The following CDH10 variants were observed in gnomAD, a reference collection of about 807,000 sequenced individuals.
The protein encoded by CDH10 is cadherin-10.
Under a neutral mutation model 73.1 loss-of-function variants are expected in CDH10, and 30 were observed. The ratio of observed to expected loss-of-function variants is 0.41; its 90% CI spans 0.31 to 0.56. The LOEUF (loss-of-function observed/expected upper bound fraction) is 0.56. Ranked by LOEUF, CDH10 falls within the 20% of genes least tolerant of loss-of-function variation. CDH10 has a pLI of 0.27. For synonymous variants in CDH10, 345 were observed against 348.2 expected, an observed-to-expected ratio of 0.99 and a Z score of 0.10; for missense variants, 815 against 973.7, an observed-to-expected ratio of 0.84 and a Z score of 2.17.
chr5:24,592,323 T>G (rs1746226912), intron 2 of CDH10, among the ~76,000 whole-genome samples: 1 of 151,878 alleles, frequency 6.6e-6, no homozygotes, highest in South Asian at 2.1e-4. Flanking sequence ...GTCAAGGCAG[T>G]GATGTATGCA....
chr5:24,527,289 TTA>T (rs1561141848), intron 5 of CDH10, among the ~76,000 whole-genome samples: 1 of 147,690 alleles, frequency 6.8e-6, no homozygotes, highest in Admixed American at 6.8e-5. Flanking sequence ...AAATATAGTC[TTA>T]TATATATTTA....
chr5:24,602,580 C>T, intron 1 of CDH10, among the ~76,000 whole-genome samples: 1 of 152,114 alleles, frequency 6.6e-6, no homozygotes, highest in East Asian at 1.9e-4. Flanking sequence ...CCCAATTAGA[C>T]ATTCTGCAAC....
intron 2 of CDH10, among the ~76,000 whole-genome samples, chr5:24,559,671 A>G (rs770843269): frequency 3.9e-5 from 6 of 152,052 alleles, no homozygotes; most frequent in Non-Finnish European, 7.4e-5. Context: ...TGATAATGAA[A>G]CAGGTGACAA....
At chr5:24,572,907 A>C (rs1206201511) in intron 2 of CDH10, among the ~76,000 whole-genome samples, 1 of 144,538 alleles carries the variant, frequency 6.9e-6, no homozygotes, top group Non-Finnish European at 1.5e-5. Flanking sequence ...GGACCTGGTC[A>C]GAATCTGTAT....
chr5:24,506,019 C>T (rs1483983182), intron 7 of CDH10, among the ~76,000 whole-genome samples: 1 of 150,528 alleles, frequency 6.6e-6, no homozygotes, highest in Admixed American at 6.7e-5. Flanking sequence ...AAGGATGAAG[C>T]AGGAGAATTG....
chr5:24,491,776 AT>A lies in CDH10; in HGVS notation c.1675del (p.Ile559SerfsTer9). 6.2e-7 allele frequency: 1 copy of A among 1,607,634 alleles called. No individual in the cohort carries two copies. The highest frequency in any genetic ancestry group is 8.5e-7 in the Non-Finnish European group (1 of 1,174,262). Reference sequence around the variant, plus strand: ...CACCACAGGCAAGAGATAGGTACTGATTTCATGTCTATTGAATCCATTTTTT... The same window carrying A: ...CACCACAGGCAAGAGATAGGTACTGATTCATGTCTATTGAATCCATTTTTT... ...TRKNGFNRHE[I>X]STYLLPVVIS... On this transcript the variant is annotated frameshift_variant, in exon 11 of 12. Coordinates refer to ENST00000264463, the MANE Select transcript of CDH10 (RefSeq NM_006727.5). LOFTEE classifies it high-confidence loss of function.
intron 5 of CDH10, among the ~76,000 whole-genome samples, chr5:24,531,254 A>T (rs1253353614): frequency 6.6e-6 from 1 of 151,974 alleles, no homozygotes; most frequent in Non-Finnish European, 1.5e-5. Context: ...CTCACATGTT[A>T]TTCTTTTTAT....
rs374858787 is a variant in CDH10 at position 24,543,131 on chromosome 5, G to A, written c.232-5457C>T. ...ATATTTTACTTTTATTTTCACCATT[G>A]GCTAGAAGAAAAATAAAGAAAAAAA... On this transcript the variant is annotated intron_variant, in intron 2 of 11. Coordinates refer to ENST00000264463, the MANE Select transcript of CDH10 (RefSeq NM_006727.5). Among the ~76,000 whole-genome samples the A allele has an allele frequency of 1.5e-4, 23 of 151,912 alleles. No individual in the cohort carries two copies. In the East Asian group the frequency reaches 3.1e-3, roughly 20 times the overall value.
chr5:24,540,101 T>C (rs1744095582), intron 2 of CDH10, among the ~76,000 whole-genome samples: 1 of 152,012 alleles, frequency 6.6e-6, no homozygotes, highest in African/African-American at 2.4e-5. Context: ...TCAGTTTCTG[T>C]GGAAGATCCA....
rs752659067 is a variant in CDH10 at position 24,505,276 on chromosome 5, A to G, written c.1257-28T>C. The G allele has an allele frequency of 1.1e-5, 18 of 1,599,848 alleles. No individual in the cohort carries two copies. In the Admixed American group the frequency reaches 2.3e-4, roughly 21 times the overall value. ...GAACATGGAGGGCAAGAAAAAATAC[A>G]TGGCAGCATTATTAATAGTTTGCAG... On this transcript the variant is annotated intron_variant, in intron 7 of 11. Transcript: ENST00000264463.
At chr5:24,597,173 C>A (rs1746397867) in intron 1 of CDH10, among the ~76,000 whole-genome samples, 1 of 152,022 alleles carries the variant, frequency 6.6e-6, no homozygotes, top group Admixed American at 6.6e-5. Flanking sequence ...ATTCTGCAAT[C>A]CCATATTTCC....
rs1352604182 is a variant in CDH10 at position 24,593,373 on chromosome 5, G to A, written c.118C>T (p.Arg40Cys). 3 of 1,611,986 alleles carry A rather than the reference G, an allele frequency of 1.9e-6. No homozygotes were observed. Among genetic ancestry groups the A allele is most frequent in the Admixed American group, 1.7e-5 (1 of 59,920 alleles). ...PVPQQRILSS[R>C]VPRSDGKILH... The stretch of plus-strand genomic sequence containing the variant: ...ATTTTGCCATCACTCCTTGGTACAC[G>A]TGAACTTAAAATTCTTTGCTGTGGC... Residue 40 changes from arginine to cysteine, a missense_variant, in exon 2 of 12, where the codon CGT becomes TGT. By Grantham distance (180) the Arg-to-Cys change is radical. Coordinates refer to ENST00000264463, the MANE Select transcript of CDH10 (RefSeq NM_006727.5).
At chr5:24,553,615 A>T (rs1339511340) in intron 2 of CDH10, among the ~76,000 whole-genome samples, 1 of 152,010 alleles carries the variant, frequency 6.6e-6, no homozygotes, top group African/African-American at 2.4e-5. Flanking sequence ...ATTCTATGTG[A>T]ATTCATGTTT....
intron 11 of CDH10, among the ~76,000 whole-genome samples, chr5:24,489,734 A>C (rs974210796): frequency 2.6e-5 from 4 of 152,168 alleles, no homozygotes; most frequent in Non-Finnish European, 5.9e-5. Context: ...ATTCAAAAGC[A>C]GTTAAAAGCA....
chr5:24,509,636 C>T lies in CDH10; in HGVS notation c.1186G>A (p.Asp396Asn), dbSNP rs143386410. 6.8e-6 allele frequency: 11 copies of T among 1,613,576 alleles called. No homozygotes were observed. The highest frequency in any genetic ancestry group is 9.3e-6 in the Non-Finnish European group (11 of 1,179,540). Residue 396 changes from aspartate to asparagine, a missense_variant, in exon 7 of 12, where the codon GAT becomes AAT. Asp to Asn is a conservative substitution (Grantham distance 23). Transcript: ENST00000264463. Reference protein sequence around the residue: ...RSSYLFEVHEDIEVGTIIGTV... With the variant: ...RSSYLFEVHENIEVGTIIGTV... ...CCAATGATTGTGCCCACTTCAATAT[C>T]TTCATGAACTTCAAACAGATAGGAG... is the stretch of plus-strand genomic sequence containing the variant.
chr5:24,644,260 G>A (rs1027579383), intron 1 of CDH10, among the ~76,000 whole-genome samples: 1 of 152,078 alleles, frequency 6.6e-6, no homozygotes, highest in Non-Finnish European at 1.5e-5. Flanking sequence ...AAATGAACAA[G>A]TCTGGGCATG....
At chr5:24,605,870 A>C (rs1746743940) in intron 1 of CDH10, among the ~76,000 whole-genome samples, 1 of 152,200 alleles carries the variant, frequency 6.6e-6, no homozygotes, top group Admixed American at 6.5e-5. Context: ...ATGACATACT[A>C]CTTATTAATG....
intron 2 of CDH10, among the ~76,000 whole-genome samples, chr5:24,591,188 T>C (rs900795985): frequency 3.9e-5 from 6 of 152,028 alleles, no homozygotes; most frequent in African/African-American, 1.4e-4. Context: ...TATAAGTAAT[T>C]AATGTAATAC....
rs1329358353 is a variant in CDH10 at position 24,493,042 on chromosome 5, G to C, written c.1516-117C>G. On this transcript the variant is annotated intron_variant, in intron 9 of 11. Coordinates refer to ENST00000264463, the MANE Select transcript of CDH10 (RefSeq NM_006727.5). ...AAAATAATTGACTTTTATTTCATGT[G>C]AATGTATCCTTGAGTTAATCCATCT... 4 of 600,386 alleles carry C rather than the reference G, an allele frequency of 6.7e-6. No homozygotes were observed. In the African/African-American group the frequency reaches 7.5e-5, roughly 11 times the overall value. The allele number at this position is 600,386 out of a possible 1,614,324, so 37.2% of individuals were successfully genotyped here. A position where few individuals can be genotyped will look rare whatever the true frequency, so the allele number is the denominator to read the frequency against.
Sources: gnomAD v4.1 joint callset for allele counts (sites outside exome capture counted in the v4.1 genomes callset) on GRCh38, gnomAD v4.1.1 for gene constraint, MANE v1.5 for transcripts, NCBI Gene and HGNC (gene_info 2026-07-23, HGNC 2026-07-21) for gene names.